Variants in LAMA2 observed in about 807,000 individuals in gnomAD.
LAMA2 encodes the protein laminin subunit alpha 2.
A neutral mutation model predicts 364.8 loss-of-function variants in LAMA2; 269 were observed. That is an observed-to-expected ratio of 0.74 (90% CI 0.67 to 0.82). The LOEUF (loss-of-function observed/expected upper bound fraction) is 0.82, where lower values mean the gene tolerates loss of function less well. Among genes scored for constraint, LAMA2 ranks in the 40% least tolerant of loss-of-function variants. LAMA2 has a pLI of 0.00. For missense variants in LAMA2, 3,807 were observed against 3,873.2 expected (o/e 0.98, Z 0.45); for synonymous variants, 1,379 against 1,370.6 (o/e 1.01, Z -0.14).
chr6:129,199,100 TAAATA>T (rs888829338), intron 12 of LAMA2, among the ~76,000 whole-genome samples: 1 of 152,126 alleles, frequency 6.6e-6, no homozygotes, highest in African/African-American at 2.4e-5. Flanking sequence ...GAAAATATCC[TAAATA>T]AAATATTAAC....
chr6:129,200,373 T>TATATATATAC (rs1782186433), intron 12 of LAMA2, among the ~76,000 whole-genome samples: 4 of 147,852 alleles, frequency 2.7e-5, no homozygotes, highest in Non-Finnish European at 6.0e-5. Context: ...TACACGTGTA[T>TATATATATAC]GTGTACACAT....
At chr6:129,447,205 A>G (rs747753430) in intron 45 of LAMA2, among the ~76,000 whole-genome samples, 4 of 152,228 alleles carry the variant, frequency 2.6e-5, no homozygotes, top group African/African-American at 4.8e-5. Flanking sequence ...GGAAAATAAA[A>G]TATGTACACG....
chr6:129,494,417 G>C (rs895452383), intron 58 of LAMA2, among the ~76,000 whole-genome samples: 1 of 152,160 alleles, frequency 6.6e-6, no homozygotes, highest in Non-Finnish European at 1.5e-5. Context: ...ACAACATAGA[G>C]TTATGAAAAA....
intron 1 of LAMA2, among the ~76,000 whole-genome samples, chr6:128,959,779 A>G (rs963513218): frequency 3.9e-5 from 6 of 152,184 alleles, no homozygotes; most frequent in African/African-American, 1.4e-4. Context: ...TACACTATAT[A>G]GTTTACTTAT....
chr6:128,946,680 C>A (rs1390590193), intron 1 of LAMA2, among the ~76,000 whole-genome samples: 1 of 152,026 alleles, frequency 6.6e-6, no homozygotes, highest in Non-Finnish European at 1.5e-5. Flanking sequence ...GTCAATACTT[C>A]TTGATTTGAA....
chr6:129,184,100 T>C (rs1324716798), intron 10 of LAMA2, among the ~76,000 whole-genome samples: 1 of 151,980 alleles, frequency 6.6e-6, no homozygotes, highest in Non-Finnish European at 1.5e-5. Flanking sequence ...TTGTTGTTTA[T>C]ATTGCTTTTC....
intron 34 of LAMA2, among the ~76,000 whole-genome samples, chr6:129,378,776 A>G (rs1778516646): frequency 6.6e-6 from 1 of 152,236 alleles, no homozygotes; most frequent in South Asian, 2.1e-4. Flanking sequence ...GTAAGTTCAG[A>G]TAAGTTACTT....
chr6:128,987,976 G>A (rs1783372034), intron 1 of LAMA2, among the ~76,000 whole-genome samples: 1 of 152,154 alleles, frequency 6.6e-6, no homozygotes, highest in South Asian at 2.1e-4. Flanking sequence ...CTGGATTCAA[G>A]TGATTCTCCT....
At chr6:129,159,581 A>G (rs1583159285) in intron 8 of LAMA2, among the ~76,000 whole-genome samples, 1 of 152,170 alleles carries the variant, frequency 6.6e-6, no homozygotes, top group Admixed American at 6.5e-5. Flanking sequence ...CACATAAACA[A>G]TCATTTTACC....
At chr6:129,102,130 CTT>C (rs10713380) in intron 4 of LAMA2, among the ~76,000 whole-genome samples, 44 of 130,308 alleles carry the variant, frequency 3.4e-4, no homozygotes, top group African/African-American at 4.6e-4. Context: ...TTCTTTCTTT[CTT>C]TTTTTTTTTT....
chr6:129,186,784 T>A (rs1244785000), intron 10 of LAMA2, among the ~76,000 whole-genome samples: 2 of 151,676 alleles, frequency 1.3e-5, no homozygotes, highest in Non-Finnish European at 3.0e-5. Context: ...GTCCGCCTCA[T>A]CAGAAAGTAC....
At chr6:129,438,175 A>C (rs1000722306) in intron 41 of LAMA2, among the ~76,000 whole-genome samples, 1 of 151,772 alleles carries the variant, frequency 6.6e-6, no homozygotes, top group African/African-American at 2.4e-5. Context: ...TTTTTGTCCA[A>C]ATAAATATTA....
intron 12 of LAMA2, among the ~76,000 whole-genome samples, chr6:129,233,267 A>G (rs1016910286): frequency 1.3e-5 from 2 of 152,170 alleles, no homozygotes; most frequent in African/African-American, 4.8e-5. Flanking sequence ...TTACGGTAGC[A>G]ATAGGAAACT....
intron 1 of LAMA2, chr6:128,928,899 C>T: frequency 1.4e-6 from 1 of 702,578 alleles, no homozygotes; most frequent in Non-Finnish European, 2.5e-6. Context: ...TGGCCAGGAC[C>T]TCTTTTGGGC....
At chr6:129,456,153 T>A (rs533374105) in intron 47 of LAMA2, among the ~76,000 whole-genome samples, 182 bp from the exon 48 acceptor site, 1 of 152,276 alleles carries the variant, frequency 6.6e-6, no homozygotes, top group South Asian at 2.1e-4. Flanking sequence ...GATCAGACTC[T>A]GAGTATTGAT....
At chr6:129,180,749 A>G (rs1236612960) in intron 10 of LAMA2, among the ~76,000 whole-genome samples, 1 of 152,164 alleles carries the variant, frequency 6.6e-6, no homozygotes, top group Non-Finnish European at 1.5e-5. Context: ...CAAGAAAGAA[A>G]GGGAAATTCC....
chr6:128,920,699 G>GTA (rs958562088), intron 1 of LAMA2, among the ~76,000 whole-genome samples: 2 of 151,028 alleles, frequency 1.3e-5, no homozygotes, highest in African/African-American at 4.9e-5. Flanking sequence ...ATACATGTGT[G>GTA]TATATATATG....
intron 44 of LAMA2, among the ~76,000 whole-genome samples, chr6:129,445,211 A>C (rs946014432): frequency 6.6e-6 from 1 of 152,202 alleles, no homozygotes; most frequent in African/African-American, 2.4e-5. Context: ...AAGATGTGCA[A>C]AAAAAGACGG....
chr6:129,138,405 T>C (rs1291909892), intron 4 of LAMA2, among the ~76,000 whole-genome samples: 1 of 152,132 alleles, frequency 6.6e-6, no homozygotes, highest in African/African-American at 2.4e-5. Context: ...TCAAAAACTG[T>C]GCCTGATATA....
Sources: gnomAD v4.1 joint callset for allele counts (sites outside exome capture counted in the v4.1 genomes callset) on GRCh38, gnomAD v4.1.1 for gene constraint, MANE v1.5 for transcripts, NCBI Gene and HGNC (gene_info 2026-07-23, HGNC 2026-07-21) for gene names.